Variants in TAC4 observed in about 807,000 individuals in gnomAD.
TAC4 encodes the protein tachykinin-4.
TAC4 carries 17 observed loss-of-function variants against 17.7 expected under a neutral mutation model. The observed-to-expected ratio is 0.96, with a 90% CI of 0.66 to 1.44. TAC4 has a LOEUF of 1.44. Among genes scored for constraint, TAC4 ranks in the 40% most tolerant of loss-of-function variants. The pLI, the probability that TAC4 is intolerant of heterozygous loss-of-function variation, is 0.00. For missense variants in TAC4, 118 were observed against 125.6 expected (o/e 0.94, Z 0.29); for synonymous variants, 62 against 52.4 (o/e 1.18, Z -0.79).
intron 2 of TAC4, 40 bp downstream of exon 2, chr17:49,844,024 G>T: frequency 6.3e-7 from 1 of 1,592,972 alleles, no homozygotes; most frequent in Non-Finnish European, 8.6e-7. Context: ...AACCCACTCA[G>T]AACCCCTGCT....
Position 49,839,853 on chromosome 17 carries a change from C to G in TAC4, c.289G>C (p.Glu97Gln). ...ACCACCAGCGGCTCTTGCCTACCTT[C>G]TGTGAACAGGCTTCTCTTGCCCAGG... is the stretch of plus-strand genomic sequence containing the variant. The part of the protein sequence containing the change: ...GLLGKRSLFT[E>Q]GREDEAQGSE Residue 97 changes from glutamate (E) to glutamine (Q), a missense_variant, in exon 4 of 5, where the codon GAA (glutamate) becomes CAA (glutamine). By Grantham distance (29) the Glu-to-Gln change is conservative. Coordinates refer to ENST00000436235, the MANE Select transcript of TAC4 (RefSeq NM_001077506.2). The G allele has an allele frequency of 6.2e-7, 1 of 1,611,358 alleles. No individual in the cohort carries two copies. The highest frequency in any genetic ancestry group is 1.7e-4 in the Middle Eastern group (1 of 6,058).
chr17:49,839,863 G>A lies in TAC4; in HGVS notation c.279C>T (p.Ser93=). 6.2e-7 allele frequency: 1 copy of A among 1,612,024 alleles called. No individual in the cohort carries two copies. The highest frequency in any genetic ancestry group is 8.5e-7 in the Non-Finnish European group (1 of 1,179,086). The change falls in exon 4 of 5, where the codon AGC becomes AGT. Residue 93 remains serine, a synonymous_variant. Transcript: ENST00000436235. ...GCTCTTGCCTACCTTCTGTGAACAG[G>A]CTTCTCTTGCCCAGGAGGCCCTGGA... ...HTFQGLLGKR[S]LFTEGREDEA...
intron 2 of TAC4, among the ~76,000 whole-genome samples, chr17:49,842,356 C>G (rs1490765808): frequency 1.3e-5 from 2 of 151,662 alleles, no homozygotes; most frequent in African/African-American, 4.8e-5. Context: ...TAGTGAAACC[C>G]CATCTCTACT....
intron 1 of TAC4, chr17:49,846,257 A>G (rs778740827): frequency 1.6e-6 from 2 of 1,279,758 alleles, no homozygotes; most frequent in South Asian, 1.2e-5. Context: ...TGATGCGATC[A>G]TGCCCCATTC....
chr17:49,844,139 T>A lies in TAC4; in HGVS notation c.124A>T (p.Ile42Phe), dbSNP rs778255541. The A allele has an allele frequency of 1.2e-6, 2 of 1,613,910 alleles. No individual in the cohort carries two copies. Among genetic ancestry groups the A allele is most frequent in the South Asian group, 2.2e-5 (2 of 91,086 alleles). The change falls in exon 2 of 5, where the codon ATT (isoleucine) becomes TTT (phenylalanine). Residue 42 changes from isoleucine to phenylalanine, a missense_variant. Physicochemically the swap from Ile to Phe is conservative, Grantham distance 21 (BLOSUM62 0). Transcript: ENST00000436235. ...TTCACCTCCTGCAGCTGGAGCTGAA[T>A]GCTGGGGCCAGCGCCTTCCTGAAGA... The part of the protein sequence containing the change: ...AETWEGAGPS[I>F]QLQLQEVKTG...
chr17:49,842,710 TTTAAAG>T lies in TAC4; in HGVS notation c.200-1132_200-1127del, dbSNP rs1407852294. Among the ~76,000 whole-genome samples the T allele has an allele frequency of 8.5e-5, 13 of 152,152 alleles. 1 individual carries two copies. Among genetic ancestry groups the T allele is most frequent in the Admixed American group, 6.5e-5 (1 of 15,276 alleles). On this transcript the variant is annotated intron_variant, in intron 2 of 4. Transcript: ENST00000436235. ...TTTGAAAAGGTTTGTACAAGTAAAA[TTTAAAG>T]TCTCTCTTCCCTTTCTCCCCCCTCA... is the stretch of plus-strand genomic sequence containing the variant.
Position 49,838,683 on chromosome 17 carries a change from GTT to G in TAC4, c.293-12_293-11del, listed in dbSNP as rs2074474891. ...GCCTCATCCTCTCTGCCTGGGGAGAGTTTGGTATATGAACCATGGTTAGTCGG... is the reference window on the plus strand; with the variant it reads ...GCCTCATCCTCTCTGCCTGGGGAGAGTGGTATATGAACCATGGTTAGTCGG... On this transcript the variant is annotated splice_polypyrimidine_tract_variant and intron_variant, in intron 4 of 4. Coordinates refer to ENST00000436235, the MANE Select transcript of TAC4 (RefSeq NM_001077506.2). 1 of 1,612,820 alleles carries G rather than the reference GTT, an allele frequency of 6.2e-7. No individual in the cohort carries two copies. The highest frequency in any genetic ancestry group is 8.5e-7 in the Non-Finnish European group (1 of 1,179,550).
Position 49,848,034 on chromosome 17 carries a change from C to T in TAC4, c.-17G>A. On this transcript the variant is annotated 5_prime_UTR_variant, in exon 1 of 5. Coordinates refer to ENST00000436235, the MANE Select transcript of TAC4 (RefSeq NM_001077506.2). Reference sequence around the variant, plus strand: ...AGGCAGCATGGTGAGCCTGCACTGTCCTGGAATCTCTGGGAGCCCCTCTCA... The same window carrying T: ...AGGCAGCATGGTGAGCCTGCACTGTTCTGGAATCTCTGGGAGCCCCTCTCA... 1.2e-6 allele frequency: 2 copies of T among 1,613,226 alleles called. No homozygotes were observed. The highest frequency in any genetic ancestry group is 1.7e-6 in the Non-Finnish European group (2 of 1,179,606).
intron 1 of TAC4, chr17:49,846,113 C>A: frequency 1.1e-6 from 1 of 891,734 alleles, no homozygotes; most frequent in Non-Finnish European, 1.5e-6. Context: ...GGGGGGCATT[C>A]GGAGACATTG....
intron 3 of TAC4, among the ~76,000 whole-genome samples, chr17:49,840,242 G>C (rs1287004712): frequency 1.3e-5 from 2 of 152,176 alleles, no homozygotes; most frequent in Non-Finnish European, 2.9e-5. Flanking sequence ...GCCTGTTGGG[G>C]GGCTTCCAGT....
chr17:49,847,856 T>G, intron 1 of TAC4, 57 bp downstream of exon 1: 1 of 1,612,524 alleles, frequency 6.2e-7, no homozygotes, highest in Non-Finnish European at 8.5e-7. Flanking sequence ...GCACTGCCGA[T>G]TATCCCCTGC....
intron 1 of TAC4, chr17:49,847,261 G>C: frequency 3.1e-6 from 4 of 1,289,016 alleles, no homozygotes; most frequent in Non-Finnish European, 4.0e-6. Context: ...TCTCTGGCTT[G>C]TTGGTATCTG....
rs2074557791 is a variant in TAC4 at position 49,847,917 on chromosome 17, GTC to G, written c.99_100del (p.Glu33AspfsTer69). On this transcript the variant is annotated frameshift_variant, in exon 1 of 5. Transcript: ENST00000436235. LOFTEE classifies it high-confidence loss of function. ...TACCTCCAAGGCCACAATTACCCAG[GTC>G]TCTGCTTCAGTGCTGAGTGTCTGTT... The G allele has an allele frequency of 6.2e-7, 1 of 1,613,862 alleles. No homozygotes were observed. The highest frequency in any genetic ancestry group is 1.3e-5 in the African/African-American group (1 of 74,890).
chr17:49,848,006 G>A lies in TAC4; in HGVS notation c.12C>T (p.Cys4=), dbSNP rs1471971457. The change falls in exon 1 of 5, where the codon TGC becomes TGT. Residue 4 remains cysteine (C), a synonymous_variant. Coordinates refer to ENST00000436235, the MANE Select transcript of TAC4 (RefSeq NM_001077506.2). MLP[C]LALLLLMELS... ...GCTCCATCAGGAGAAGCAGGGCGAGGCAAGGCAGCATGGTGAGCCTGCACT... is the reference window on the plus strand; with the variant it reads ...GCTCCATCAGGAGAAGCAGGGCGAGACAAGGCAGCATGGTGAGCCTGCACT... 2.5e-6 allele frequency: 4 copies of A among 1,613,996 alleles called. No individual in the cohort carries two copies. Among genetic ancestry groups the A allele is most frequent in the African/African-American group, 1.3e-5 (1 of 74,922 alleles).
At chr17:49,846,679 G>A (rs1193004794) in intron 1 of TAC4, among the ~76,000 whole-genome samples, 1 of 152,160 alleles carries the variant, frequency 6.6e-6, no homozygotes, top group African/African-American at 2.4e-5. Context: ...GGGAAGCAGA[G>A]GGATGTGATA....
At position 49,844,068 on chromosome 17, in the gene TAC4, C is replaced by T; in HGVS notation, c.195G>A (p.Val65=). 6.2e-7 allele frequency: 1 copy of T among 1,611,000 alleles called. No homozygotes were observed. The highest frequency in any genetic ancestry group is 1.3e-5 in the African/African-American group (1 of 74,910). The change falls in exon 2 of 5, where the codon GTG becomes GTA. Residue 65 remains valine, a synonymous_variant. Transcript: ENST00000436235. ...SQFFGLMGKR[V]GGRPLIQPRR... is the part of the protein sequence containing the mutation. ...TCCATTGTCATTGTCACTCACCTCC[C>T]ACTCGCTTCCCCATCAGCCCAAAGA...
chr17:49,846,166 C>T (rs2074537124), intron 1 of TAC4: 1 of 1,274,304 alleles, frequency 7.8e-7, no homozygotes, highest in Non-Finnish European at 1.0e-6. Flanking sequence ...CCAGCCGGAG[C>T]CCTCCATATC....
chr17:49,843,409 A>T (rs933461750), intron 2 of TAC4, among the ~76,000 whole-genome samples: 2 of 152,246 alleles, frequency 1.3e-5, no homozygotes, highest in Non-Finnish European at 2.9e-5. Context: ...CTTTGCCCAC[A>T]TCCAGACTGG....
intron 2 of TAC4, among the ~76,000 whole-genome samples, chr17:49,842,065 G>A (rs775401308): frequency 5.3e-5 from 8 of 150,888 alleles, no homozygotes; most frequent in Non-Finnish European, 7.4e-5. Flanking sequence ...CACCACGCCC[G>A]GCTAATTTTT....
Sources: allele counts gnomAD v4.1 joint callset (sites outside exome capture counted in the v4.1 genomes callset), GRCh38; gene constraint gnomAD v4.1.1; transcripts MANE v1.5; gene names NCBI Gene and HGNC (gene_info 2026-07-23, HGNC 2026-07-21).